The following NCOA1 variants were observed in gnomAD, a reference collection of about 807,000 sequenced individuals.
The protein encoded by NCOA1 is Hin-2 protein.
A neutral mutation model predicts 150.9 loss-of-function variants in NCOA1; 35 were observed. The observed-to-expected ratio is 0.23, with a 90% confidence interval of 0.18 to 0.31. The LOEUF (loss-of-function observed/expected upper bound fraction) is 0.31, where lower values mean the gene tolerates loss of function less well. Among genes scored for constraint, NCOA1 ranks in the 10% least tolerant of loss-of-function variants. The probability of loss-of-function intolerance (pLI) is 1.00; values close to 1 mark genes in which losing one functional copy is unlikely to be tolerated. For missense variants in NCOA1, 1,491 were observed against 1,749.3 expected (o/e 0.85, Z 2.63); for synonymous variants, 590 against 630.0 (o/e 0.94, Z 0.95).
rs1205450760 is a variant in NCOA1 at position 24,658,619 on chromosome 2, G to T, written c.-17-42G>T. The stretch of plus-strand genomic sequence containing the variant: ...TTCCCTACCTTTATTTGGTTGGAAA[G>T]GTCATAAGGGTAGATTTCTTACTGT... On this transcript the variant is annotated intron_variant, in intron 4 of 22. Coordinates refer to ENST00000348332, the MANE Select transcript of NCOA1 (RefSeq NM_003743.5). The T allele has an allele frequency of 2.7e-6, 4 of 1,461,066 alleles. No individual in the cohort carries two copies. The African/African-American group carries it at 5.6e-5, about 20-fold the overall frequency. 90.5% of individuals were successfully genotyped at this position (1,461,066 alleles called of 1,614,324 possible). A position where few individuals can be genotyped will look rare whatever the true frequency, so the allele number is the denominator to read the frequency against.
At chr2:24,695,081 T>C (rs1672837360) in intron 10 of NCOA1, among the ~76,000 whole-genome samples, 1 of 152,152 alleles carries the variant, frequency 6.6e-6, no homozygotes, top group Non-Finnish European at 1.5e-5. Context: ...TTTCCTCATA[T>C]TGCATTTGTA....
chr2:24,707,944 T>A (rs1328896787), intron 13 of NCOA1, 56 bp downstream of exon 13: 10 of 1,520,094 alleles, frequency 6.6e-6, no homozygotes, highest in African/African-American at 1.4e-5. Flanking sequence ...TTTTTTCATT[T>A]ATTCTATTCC....
intron 3 of NCOA1, among the ~76,000 whole-genome samples, chr2:24,624,158 C>G (rs566546241): frequency 6.6e-6 from 1 of 152,072 alleles, no homozygotes; most frequent in Non-Finnish European, 1.5e-5. Context: ...CTTTGTTACT[C>G]CATAATTGCA....
chr2:24,757,412 AG>A (rs1383064210), intron 20 of NCOA1, among the ~76,000 whole-genome samples: 3 of 152,296 alleles, frequency 2.0e-5, no homozygotes, highest in Admixed American at 1.3e-4. Context: ...TTTATTCATC[AG>A]GTATTTACTG....
At chr2:24,595,878 A>G (rs979209787) in intron 3 of NCOA1, among the ~76,000 whole-genome samples, 1 of 152,128 alleles carries the variant, frequency 6.6e-6, no homozygotes, top group Non-Finnish European at 1.5e-5. Context: ...TTAATGTGAT[A>G]CTGTGTCATC....
At chr2:24,561,089 T>G (rs1666275381) in intron 1 of NCOA1, among the ~76,000 whole-genome samples, 1 of 152,180 alleles carries the variant, frequency 6.6e-6, no homozygotes, top group Non-Finnish European at 1.5e-5. Context: ...CAGGACATAC[T>G]GCTGAATAAA....
At chr2:24,509,905 A>G (rs1255880155) in intron 1 of NCOA1, among the ~76,000 whole-genome samples, 1 of 152,226 alleles carries the variant, frequency 6.6e-6, no homozygotes, top group Non-Finnish European at 1.5e-5. Context: ...AATTATTTTC[A>G]GTACCTCTTT....
chr2:24,566,384 A>C (rs1462461584), intron 2 of NCOA1, among the ~76,000 whole-genome samples: 1 of 151,256 alleles, frequency 6.6e-6, no homozygotes, highest in Non-Finnish European at 1.5e-5. Flanking sequence ...CACAACTGGT[A>C]GTTCCATTGT....
In NCOA1 at chr2:24,566,643, G is replaced by A. The variant is rs769889722; in HGVS notation, c.-260+2213G>A. 8.7e-4 allele frequency among the ~76,000 whole-genome samples: 133 copies of A among 152,198 alleles called. 1 individual carries two copies. The highest frequency in any genetic ancestry group is 1.8e-3 in the Non-Finnish European group (121 of 68,028). On this transcript the variant is annotated intron_variant, in intron 2 of 22. Coordinates refer to ENST00000348332, the MANE Select transcript of NCOA1 (RefSeq NM_003743.5). Reference sequence around the variant, plus strand: ...CGGTTTGAAGGTGAGGCTTCACCAGGGACCTGCCCCTTTCTGCCCAGAAGT... The same window carrying A: ...CGGTTTGAAGGTGAGGCTTCACCAGAGACCTGCCCCTTTCTGCCCAGAAGT...
intron 1 of NCOA1, among the ~76,000 whole-genome samples, chr2:24,540,003 T>C (rs1665322459): frequency 6.6e-6 from 1 of 152,130 alleles, no homozygotes; most frequent in Admixed American, 6.5e-5. Context: ...CTGGCTATAT[T>C]CATGTCTAGA....
At chr2:24,576,163 GTTTTTTGTTTTTTTTTTTTTTT>G (rs1666964969) in intron 2 of NCOA1, among the ~76,000 whole-genome samples, 1 of 92,734 alleles carries the variant, frequency 1.1e-5, no homozygotes, top group Admixed American at 1.0e-4. Context: ...TTTTTTTTTT[GTTTTTTGTTTTTTTTTTTTTTT>G]TTTTTTGTTT....
intron 4 of NCOA1, among the ~76,000 whole-genome samples, chr2:24,650,267 A>G (rs530304741): frequency 9.2e-5 from 14 of 152,174 alleles, no homozygotes; most frequent in African/African-American, 2.2e-4. Flanking sequence ...TACCCATTCA[A>G]TTAGCTTCAA....
At chr2:24,710,235 A>C (rs999282095) in intron 13 of NCOA1, among the ~76,000 whole-genome samples, 3 of 152,046 alleles carry the variant, frequency 2.0e-5, no homozygotes, top group Non-Finnish European at 4.4e-5. Flanking sequence ...CTGGAGTTAT[A>C]GGCACGTGCC....
At chr2:24,601,870 A>G (rs927922289) in intron 3 of NCOA1, among the ~76,000 whole-genome samples, 1 of 152,018 alleles carries the variant, frequency 6.6e-6, no homozygotes, top group Non-Finnish European at 1.5e-5. Context: ...TCCTGAGCTC[A>G]GGCAGTCCAC....
chr2:24,528,193 T>C (rs1436872418), intron 1 of NCOA1, among the ~76,000 whole-genome samples: 1 of 152,136 alleles, frequency 6.6e-6, no homozygotes, highest in African/African-American at 2.4e-5. Flanking sequence ...TTTGTTTTTA[T>C]AGCCTGAGCT....
chr2:24,686,838 GTTAA>G (rs1672426240), intron 8 of NCOA1, among the ~76,000 whole-genome samples: 2 of 152,128 alleles, frequency 1.3e-5, no homozygotes, highest in South Asian at 4.1e-4. Context: ...TGAACTTGCT[GTTAA>G]TTATTGTTGT....
At chr2:24,674,241 T>C (rs1322949927) in intron 7 of NCOA1, among the ~76,000 whole-genome samples, 1 of 151,664 alleles carries the variant, frequency 6.6e-6, no homozygotes, top group African/African-American at 2.4e-5. Flanking sequence ...AGTCTCGCTT[T>C]GTGGCCCATG....
At chr2:24,708,388 C>T (rs1673568901) in intron 13 of NCOA1, among the ~76,000 whole-genome samples, 1 of 152,104 alleles carries the variant, frequency 6.6e-6, no homozygotes, top group Non-Finnish European at 1.5e-5. Flanking sequence ...CCTCAGCAAT[C>T]AGAGAATAGG....
intron 21 of NCOA1, 96 bp from the exon 22 acceptor site, chr2:24,762,590 AT>A: frequency 9.6e-7 from 1 of 1,044,062 alleles, no homozygotes; most frequent in Non-Finnish European, 1.5e-6. Flanking sequence ...CTGTGCTCCT[AT>A]TACTTTTCTG....
Sources: gnomAD v4.1 joint callset for allele counts (sites outside exome capture counted in the v4.1 genomes callset) on GRCh38, gnomAD v4.1.1 for gene constraint, MANE v1.5 for transcripts, NCBI Gene and HGNC (gene_info 2026-07-23, HGNC 2026-07-21) for gene names.